The following GPATCH1 variants were observed in gnomAD, a reference collection of about 807,000 sequenced individuals.
GPATCH1 encodes the protein G patch domain-containing protein 1.
In GPATCH1, 73 loss-of-function variants were observed where a neutral mutation model predicts 114.9. The observed-to-expected ratio is 0.64, with a 90% CI of 0.53 to 0.77. The LOEUF is 0.77. Ranked by LOEUF, GPATCH1 falls within the 30% of genes least tolerant of loss-of-function variation. The pLI is 0.00. For synonymous variants in GPATCH1, 391 were observed against 428.4 expected (o/e 0.91, Z 1.08); for missense variants, 1,058 against 1,144.3 (o/e 0.92, Z 1.09).
intron 8 of GPATCH1, among the ~76,000 whole-genome samples, chr19:33,098,199 G>T (rs190732445): frequency 6.6e-6 from 1 of 152,196 alleles, no homozygotes; most frequent in South Asian, 2.1e-4. Context: ...CTGGCAGTGG[G>T]TCAAAGGGAA....
intron 11 of GPATCH1, among the ~76,000 whole-genome samples, chr19:33,111,342 C>G (rs979194250): frequency 6.7e-6 from 1 of 148,150 alleles, no homozygotes; most frequent in Non-Finnish European, 1.5e-5. Flanking sequence ...AGAGATCATG[C>G]CACTGCACTC....
At position 33,090,740 on chromosome 19, in the gene GPATCH1, C is replaced by T. The variant is rs371606111; in HGVS notation, c.209-40C>T. ...AATCATTTACTCATAGACCCAAATA[C>T]TCTCTAGGATTGTAAAGTTCTAAAC... On this transcript the variant is annotated intron_variant, in intron 2 of 19. Coordinates refer to ENST00000170564, the MANE Select transcript of GPATCH1 (RefSeq NM_018025.3). 3.1e-6 allele frequency: 4 copies of T among 1,295,096 alleles called. No individual in the cohort carries two copies. In the Admixed American group the frequency reaches 5.1e-5, roughly 17 times the overall value. The allele number at this position is 1,295,096 out of a possible 1,614,324, so 80.2% of individuals were successfully genotyped here.
Position 33,130,241 on chromosome 19 carries a change from CA to C in GPATCH1, c.*82del. ...GTGATTGTTCAGTTAACGCATTGTA[CA>C]GAGTGTATTTATATGTAAATTCCTG... On this transcript the variant is annotated 3_prime_UTR_variant, in exon 20 of 20. Transcript: ENST00000170564. 1 of 938,320 alleles carries C rather than the reference CA, an allele frequency of 1.1e-6. No homozygotes were observed. The highest frequency in any genetic ancestry group is 2.0e-5 in the Admixed American group (1 of 50,126). 58.1% of individuals were successfully genotyped at this position (938,320 alleles called of 1,614,324 possible).
At chr19:33,121,698 C>T (rs906514269) in intron 17 of GPATCH1, among the ~76,000 whole-genome samples, 2 of 152,178 alleles carry the variant, frequency 1.3e-5, no homozygotes, top group African/African-American at 4.8e-5. Flanking sequence ...ATCTATCCCC[C>T]ATTCTGTTCC....
In GPATCH1 at chr19:33,113,873, G is replaced by A. The variant is rs201944856; in HGVS notation, c.1999G>A (p.Glu667Lys). Residue 667 changes from glutamate to lysine, a missense_variant, in exon 14 of 20, where the codon GAA becomes AAA. Glu to Lys is a moderately conservative substitution (Grantham distance 56). Coordinates refer to ENST00000170564, the MANE Select transcript of GPATCH1 (RefSeq NM_018025.3). ...CTTGCCCACCACTCAAGCATCAAGT[G>A]AAAAAGTATCACAGCACCGAGGTCC... The part of the protein sequence containing the change: ...ASLPTTQASS[E>K]KVSQHRGPDK... 6.6e-5 allele frequency: 107 copies of A among 1,614,078 alleles called. No individual in the cohort carries two copies. Among genetic ancestry groups the A allele is most frequent in the Admixed American group, 3.3e-4 (20 of 60,006 alleles).
intron 1 of GPATCH1, among the ~76,000 whole-genome samples, chr19:33,086,188 C>T (rs1353045573): frequency 4.7e-4 from 2 of 4,280 alleles, no homozygotes; most frequent in East Asian, 7.4e-3. Flanking sequence ...AGAATGATGC[C>T]AAGTGCATAT....
intron 8 of GPATCH1, among the ~76,000 whole-genome samples, chr19:33,100,711 C>T (rs1972716479): frequency 6.6e-6 from 1 of 150,498 alleles, no homozygotes; most frequent in South Asian, 2.1e-4. Context: ...ATCTGCACTG[C>T]TTGCTGTTCC....
At chr19:33,105,187 A>T (rs1972769452) in intron 9 of GPATCH1, among the ~76,000 whole-genome samples, 1 of 151,946 alleles carries the variant, frequency 6.6e-6, no homozygotes, top group African/African-American at 2.4e-5. Flanking sequence ...ATTCCAGCAC[A>T]TTGGGAGGCT....
chr19:33,109,960 C>T lies in GPATCH1; in HGVS notation c.1529C>T (p.Pro510Leu), dbSNP rs749564199. ...AACTTCAAGCCTTTCGCCAAAGATC[C>T]GGAAAAGCAAAAGCGATACGACGAG... ...ASNFKPFAKD[P>L]EKQKRYDEFL... Residue 510 changes from proline (P) to leucine (L), a missense_variant, in exon 11 of 20, where the codon CCG becomes CTG. By Grantham distance (98) the Pro-to-Leu change is moderately conservative (BLOSUM62 -3). This residue lies in a region of GPATCH1 where 893 missense variants were observed against 977.4 expected (regional missense o/e 0.91). Coordinates refer to ENST00000170564, the MANE Select transcript of GPATCH1 (RefSeq NM_018025.3). 19 of 1,613,860 alleles carry T rather than the reference C, an allele frequency of 1.2e-5. No individual in the cohort carries two copies. Among genetic ancestry groups the T allele is most frequent in the African/African-American group, 1.1e-4 (8 of 74,906 alleles).
chr19:33,108,810 G>A (rs1972816807), intron 10 of GPATCH1, among the ~76,000 whole-genome samples: 1 of 152,176 alleles, frequency 6.6e-6, no homozygotes, highest in Admixed American at 6.5e-5. Flanking sequence ...CTCGGAACCA[G>A]GGCTAGTGGT....
intron 12 of GPATCH1, among the ~76,000 whole-genome samples, chr19:33,112,122 C>T (rs991668412): frequency 6.6e-6 from 1 of 152,040 alleles, no homozygotes; most frequent in Non-Finnish European, 1.5e-5. Context: ...CTCGCCACAA[C>T]AGCCATCTAA....
At position 33,096,322 on chromosome 19, in the gene GPATCH1, C is replaced by T; in HGVS notation, c.728C>T (p.Pro243Leu). Residue 243 changes from proline to leucine, a missense_variant, in exon 7 of 20, where the codon CCC (proline) becomes CTC (leucine). Pro to Leu is a moderately conservative substitution (Grantham distance 98, BLOSUM62 -3). This residue lies in a region of GPATCH1 where 893 missense variants were observed against 977.4 expected (regional missense o/e 0.91). Coordinates refer to ENST00000170564, the MANE Select transcript of GPATCH1 (RefSeq NM_018025.3). The stretch of plus-strand genomic sequence containing the variant: ...GGTCTAGCTTACAAGGGCCTGGATC[C>T]CCACCAGGCACTGTTTGGAACTTCG... ...VHGLAYKGLD[P>L]HQALFGTSGE... The T allele has an allele frequency of 6.2e-7, 1 of 1,614,024 alleles. No individual in the cohort carries two copies. The highest frequency in any genetic ancestry group is 1.1e-5 in the South Asian group (1 of 91,080).
rs370886953 is a variant in GPATCH1, at chr19:33,096,336, T to C, written c.742T>C (p.Phe248Leu). 6.2e-7 allele frequency: 1 copy of C among 1,614,018 alleles called. No individual in the cohort carries two copies. The highest frequency in any genetic ancestry group is 8.5e-7 in the Non-Finnish European group (1 of 1,180,018). ...YKGLDPHQAL[F>L]GTSGEHFNLF... ...GGGCCTGGATCCCCACCAGGCACTG[T>C]TTGGAACTTCGGGAGAACATTTTAA... The change falls in exon 7 of 20, where the codon TTT becomes CTT. Residue 248 changes from phenylalanine (F) to leucine (L), a missense_variant. Transcript: ENST00000170564.
At chr19:33,122,455 G>T (rs2145339242) in intron 17 of GPATCH1, among the ~76,000 whole-genome samples, 1 of 151,878 alleles carries the variant, frequency 6.6e-6, no homozygotes, top group African/African-American at 2.4e-5. Flanking sequence ...CTCCCAACTA[G>T]CTGGGACTAC....
At chr19:33,108,803 G>A (rs1202930200) in intron 10 of GPATCH1, among the ~76,000 whole-genome samples, 8 of 152,140 alleles carry the variant, frequency 5.3e-5, no homozygotes, top group Non-Finnish European at 5.9e-5. Context: ...AGCTGTACTC[G>A]GAACCAGGGC....
intron 2 of GPATCH1, among the ~76,000 whole-genome samples, chr19:33,088,802 G>A (rs929595313): frequency 4.0e-5 from 6 of 151,832 alleles, no homozygotes; most frequent in African/African-American, 7.3e-5. Context: ...AATTACAGGC[G>A]CCTGCCACCA....
intron 11 of GPATCH1, among the ~76,000 whole-genome samples, chr19:33,110,673 G>T (rs1972841745): frequency 1.3e-5 from 2 of 151,580 alleles, no homozygotes; most frequent in African/African-American, 4.9e-5. Context: ...AACGGTTAGT[G>T]AAAGAGTGTT....
At chr19:33,094,291 CTG>C in intron 5 of GPATCH1, 22 bp downstream of exon 5, 1 of 1,203,142 alleles carries the variant, frequency 8.3e-7, no homozygotes, top group Non-Finnish European at 1.2e-6. Context: ...AATTGATTAA[CTG>C]TTATCACTGC....
At position 33,095,776 on chromosome 19, in the gene GPATCH1, A is replaced by G; in HGVS notation, c.568A>G (p.Ile190Val). Reference protein sequence around the residue: ...RRQKPDPGVKIYGCALPPGSS... With the variant: ...RRQKPDPGVKVYGCALPPGSS... ...CTCTTTTCTAGATCCTGGAGTCAAA[A>G]TCTATGGCTGTGCATTACCCCCTGG... Residue 190 changes from isoleucine to valine, a missense_variant, in exon 6 of 20, where the codon ATC becomes GTC. By Grantham distance (29) the Ile-to-Val change is conservative. Around this residue, in one of 3 missense-constraint regions of GPATCH1, gnomAD observed 893 missense variants for 977.4 expected, o/e 0.91. Coordinates refer to ENST00000170564, the MANE Select transcript of GPATCH1 (RefSeq NM_018025.3). 6.2e-7 allele frequency: 1 copy of G among 1,610,958 alleles called. No homozygotes were observed. The highest frequency in any genetic ancestry group is 8.5e-7 in the Non-Finnish European group (1 of 1,177,182).
Sources: gnomAD v4.1 joint callset for allele counts (sites outside exome capture counted in the v4.1 genomes callset) on GRCh38, gnomAD v4.1.1 for gene constraint, gnomAD v4.1.1 regional missense constraint, MANE v1.5 for transcripts, NCBI Gene and HGNC (gene_info 2026-07-23, HGNC 2026-07-21) for gene names.